VDAC1: variants seen among roughly 807,000 people sequenced by gnomAD.
The protein encoded by VDAC1 is non-selective voltage-gated ion channel VDAC1.
VDAC1 carries 10 observed loss-of-function variants against 34.7 expected under a neutral mutation model. The observed-to-expected ratio is 0.29, with a 90% CI of 0.18 to 0.49. The LOEUF (loss-of-function observed/expected upper bound fraction) is 0.49. Among genes scored for constraint, VDAC1 ranks in the 20% least tolerant of loss-of-function variants. The pLI, the probability that VDAC1 is intolerant of heterozygous loss-of-function variation, is 0.99. For synonymous variants in VDAC1, 130 were observed against 136.0 expected (o/e 0.96, Z 0.30); for missense variants, 230 against 347.9 (o/e 0.66, Z 2.69).
intron 2 of VDAC1, 128 bp from the exon 3 acceptor site, chr5:133,992,483 C>T (rs530982107): frequency 3.8e-5 from 22 of 586,534 alleles, no homozygotes; most frequent in Admixed American, 1.5e-4. Flanking sequence ...GCTGAGGGCA[C>T]CCAGTCTCTG....
the VDAC1 span, among the ~76,000 whole-genome samples, chr5:134,056,734 G>A: frequency 3.3e-5 from 5 of 152,114 alleles, no homozygotes; most frequent in Admixed American, 1.3e-4. Flanking sequence ...TGCCCAGGCT[G>A]GAGTGCAATG....
chr5:134,094,618 AC>A, the VDAC1 span, among the ~76,000 whole-genome samples: 1 of 147,172 alleles, frequency 6.8e-6, no homozygotes. Context: ...AATGGCGTGA[AC>A]CCGGGAGGCG....
chr5:134,070,025 G>A, the VDAC1 span, among the ~76,000 whole-genome samples: 5 of 152,162 alleles, frequency 3.3e-5, no homozygotes, highest in Non-Finnish European at 7.4e-5. Context: ...GTCTAAAAAG[G>A]GGAGGCATGA....
intron 1 of VDAC1, among the ~76,000 whole-genome samples, chr5:133,997,707 C>CAAAAAAAA (rs67591375): frequency 1.5e-4 from 9 of 58,256 alleles, no homozygotes; most frequent in Admixed American, 2.4e-4. Context: ...GACTGTCTCA[C>CAAAAAAAA]AAAAAAAAAA....
chr5:134,003,762 C>G (rs1753649674), intron 1 of VDAC1, among the ~76,000 whole-genome samples: 1 of 152,220 alleles, frequency 6.6e-6, no homozygotes, highest in South Asian at 2.1e-4. Context: ...TTCCCCAAAA[C>G]TCATCGAAGG....
At chr5:134,098,019 G>T in the VDAC1 span, among the ~76,000 whole-genome samples, 1 of 151,354 alleles carries the variant, frequency 6.6e-6, no homozygotes, top group East Asian at 1.9e-4. Context: ...ACAGGCGCCT[G>T]CCAGCACGCC....
At chr5:134,054,547 GCCTC>G in the VDAC1 span, among the ~76,000 whole-genome samples, 1 of 136,246 alleles carries the variant, frequency 7.3e-6, no homozygotes, top group Admixed American at 8.4e-5. Flanking sequence ...TGCAACCTCT[GCCTC>G]CCAGGTTCAA....
chr5:133,976,378 G>A (rs1011612898), intron 6 of VDAC1: 11 of 190,034 alleles, frequency 5.8e-5, no homozygotes, highest in East Asian at 1.4e-4. Context: ...GGTGCCATAC[G>A]CCTGTAATCC....
chr5:133,979,735 A>G (rs913413317), intron 6 of VDAC1, among the ~76,000 whole-genome samples: 3 of 152,112 alleles, frequency 2.0e-5, no homozygotes, highest in Non-Finnish European at 4.4e-5. Context: ...GCCAAAATGG[A>G]TATTTTCTTG....
chr5:134,091,458 G>T, the VDAC1 span, among the ~76,000 whole-genome samples: 1 of 151,976 alleles, frequency 6.6e-6, no homozygotes, highest in Non-Finnish European at 1.5e-5. Context: ...ATTGTGAACT[G>T]GACATTGGAA....
chr5:134,063,116 G>A, the VDAC1 span, among the ~76,000 whole-genome samples: 27 of 152,218 alleles, frequency 1.8e-4, no homozygotes, highest in South Asian at 3.5e-3. Context: ...GGTGAACAGA[G>A]TTTCCCTATA....
chr5:134,068,335 T>G, the VDAC1 span, among the ~76,000 whole-genome samples: 2 of 101,972 alleles, frequency 2.0e-5, no homozygotes, highest in Non-Finnish European at 4.0e-5. Flanking sequence ...CTCCTATCAG[T>G]TTTTTTTTTC....
intron 1 of VDAC1, among the ~76,000 whole-genome samples, chr5:134,001,654 T>C (rs140750609): frequency 4.0e-5 from 6 of 148,926 alleles, no homozygotes; most frequent in Admixed American, 2.0e-4. Context: ...GAGGTAGAGA[T>C]TGCAGGGAGC....
At chr5:134,008,290 C>G (rs145938248), upstream of VDAC1, among the ~76,000 whole-genome samples, 1 of 152,130 alleles carries the variant, frequency 6.6e-6, no homozygotes, top group Non-Finnish European at 1.5e-5. Flanking sequence ...CTAGCCATGC[C>G]GGAGACTACA....
the VDAC1 span, among the ~76,000 whole-genome samples, chr5:134,044,838 G>C: frequency 1.3e-5 from 2 of 152,218 alleles, no homozygotes; most frequent in Non-Finnish European, 2.9e-5. Context: ...AGAGCTAGGG[G>C]CACAGAAGAG....
chr5:134,067,081 CTTT>C, the VDAC1 span, among the ~76,000 whole-genome samples: 2 of 136,726 alleles, frequency 1.5e-5, no homozygotes, highest in African/African-American at 2.7e-5. Context: ...ATCAAAAGTT[CTTT>C]TTTTTTTTTT....
chr5:134,023,100 T>A, the VDAC1 span, among the ~76,000 whole-genome samples: 2 of 152,254 alleles, frequency 1.3e-5, no homozygotes, highest in Admixed American at 6.5e-5. Flanking sequence ...ATATACTGTA[T>A]AAAGAAAACG....
the VDAC1 span, among the ~76,000 whole-genome samples, chr5:134,109,770 C>CA: frequency 3.5e-4 from 49 of 140,298 alleles, no homozygotes; most frequent in Middle Eastern, 0.011. Context: ...GGCTCCATCT[C>CA]AAAAAAAAAA....
intron 3 of VDAC1, among the ~76,000 whole-genome samples, chr5:133,991,776 C>T (rs1417129543): frequency 1.3e-5 from 2 of 151,884 alleles, no homozygotes; most frequent in Admixed American, 6.6e-5. Flanking sequence ...TTTGGCTTTG[C>T]GGGCCAGGTC....
Sources: allele counts gnomAD v4.1 joint callset (sites outside exome capture counted in the v4.1 genomes callset), GRCh38; gene constraint gnomAD v4.1.1; transcripts MANE v1.5; gene names NCBI Gene and HGNC (gene_info 2026-07-23, HGNC 2026-07-21).